The following PSEN1 variants were observed in gnomAD, a reference collection of about 807,000 sequenced individuals.
PSEN1 encodes presenilin-1.
A neutral mutation model predicts 53.5 loss-of-function variants in PSEN1; 15 were observed. The ratio of observed to expected loss-of-function variants is 0.28; its 90% CI spans 0.19 to 0.43. The LOEUF (loss-of-function observed/expected upper bound fraction) is 0.43. Ranked by LOEUF, PSEN1 falls within the 20% of genes least tolerant of loss-of-function variation. The pLI is 1.00. For missense variants in PSEN1, 387 were observed against 571.2 expected, an observed-to-expected ratio of 0.68 and a Z score of 3.29; for synonymous variants, 208 against 209.8, an observed-to-expected ratio of 0.99 and a Z score of 0.08.
intron 3 of PSEN1, among the ~76,000 whole-genome samples, chr14:73,170,056 G>A (rs545971793): frequency 2.0e-5 from 3 of 152,322 alleles, no homozygotes; most frequent in South Asian, 2.1e-4. Context: ...ACTTCCGGAC[G>A]TTGCCATGGC....
chr14:73,161,126 C>G (rs772073286), intron 3 of PSEN1, among the ~76,000 whole-genome samples: 13 of 151,890 alleles, frequency 8.6e-5, no homozygotes, highest in Non-Finnish European at 1.6e-4. Flanking sequence ...AGGCACTCGC[C>G]ACCATACCCA....
rs1452061774 is a variant in PSEN1, at chr14:73,203,589, T to G, written c.869-2797T>G. On this transcript the variant is annotated intron_variant, in intron 8 of 11. Transcript: ENST00000324501. The stretch of plus-strand genomic sequence containing the variant: ...TCAATAAATAATTCTTTCATGCATT[T>G]TAATACTGTCTCCCAGTTAAGGGTA... Among the ~76,000 whole-genome samples, 9 of 152,336 alleles carry G rather than the reference T, an allele frequency of 5.9e-5. No individual in the cohort carries two copies. In the East Asian group the frequency reaches 1.5e-3, roughly 26 times the overall value.
intron 9 of PSEN1, 78 bp downstream of exon 9, chr14:73,206,550 C>A: frequency 2.0e-6 from 2 of 1,011,778 alleles, no homozygotes; most frequent in Non-Finnish European, 3.1e-6. Context: ...ATGTTTTTAT[C>A]GTCTTTCTTT....
intron 6 of PSEN1, among the ~76,000 whole-genome samples, chr14:73,191,418 G>T (rs1352150684): frequency 6.6e-6 from 1 of 151,956 alleles, no homozygotes; most frequent in Non-Finnish European, 1.5e-5. Context: ...TGTGTATGAT[G>T]ATTCTTCTCC....
intron 3 of PSEN1, among the ~76,000 whole-genome samples, chr14:73,163,180 CT>C (rs1897608407): frequency 1.3e-5 from 2 of 152,146 alleles, no homozygotes; most frequent in South Asian, 4.1e-4. Flanking sequence ...ATTGATTGAA[CT>C]TTATTTAGTA....
chr14:73,159,443 T>G lies in PSEN1; in HGVS notation c.87+11337T>G, dbSNP rs143861413. Among the ~76,000 whole-genome samples the G allele has an allele frequency of 7.2e-5, 11 of 152,324 alleles. No individual in the cohort carries two copies. In the East Asian group the frequency reaches 2.1e-3, roughly 29 times the overall value. On this transcript the variant is annotated intron_variant, in intron 3 of 11. Coordinates refer to ENST00000324501, the MANE Select transcript of PSEN1 (RefSeq NM_000021.4). The stretch of plus-strand genomic sequence containing the variant: ...TCAGGAGTTTTTTCCTGCATTTTCT[T>G]CTGGAAGCTTTATAGTTTCATGTTT...
chr14:73,184,372 C>T (rs1320537462), intron 5 of PSEN1, among the ~76,000 whole-genome samples: 3 of 125,464 alleles, frequency 2.4e-5, no homozygotes, highest in South Asian at 2.6e-4. Context: ...CCGGACGGGG[C>T]GGCTGGCCGG....
intron 10 of PSEN1, among the ~76,000 whole-genome samples, chr14:73,213,198 T>C (rs1594755523): frequency 6.6e-6 from 1 of 152,186 alleles, no homozygotes; most frequent in African/African-American, 2.4e-5. Context: ...AGCTTGCCTT[T>C]GCTGGGACTT....
chr14:73,151,264 G>A (rs911168865), intron 3 of PSEN1, among the ~76,000 whole-genome samples: 3 of 152,134 alleles, frequency 2.0e-5, no homozygotes, highest in Non-Finnish European at 4.4e-5. Context: ...ACAAACATTT[G>A]GTAGGTTCCA....
chr14:73,165,748 TAAA>T (rs1255488298), intron 3 of PSEN1, among the ~76,000 whole-genome samples: 1 of 102,610 alleles, frequency 9.7e-6, no homozygotes, highest in Admixed American at 1.1e-4. Context: ...AACTCCGTCT[TAAA>T]AAAAAAAAAA....
intron 3 of PSEN1, among the ~76,000 whole-genome samples, chr14:73,160,394 C>T (rs764715036): frequency 3.3e-5 from 5 of 152,132 alleles, no homozygotes; most frequent in Non-Finnish European, 7.4e-5. Context: ...TAATTCAGTT[C>T]GTTTTTATAT....
At chr14:73,218,375 C>T (rs1254563764) in intron 11 of PSEN1, among the ~76,000 whole-genome samples, 1 of 152,176 alleles carries the variant, frequency 6.6e-6, no homozygotes, top group Non-Finnish European at 1.5e-5. Context: ...GCATGAGCCA[C>T]TGTGCCCAAC....
chr14:73,136,484 T>C (rs1231742833), upstream of PSEN1: 1 of 152,838 alleles, frequency 6.5e-6, no homozygotes, highest in African/African-American at 2.4e-5. Flanking sequence ...GACAGGCAGC[T>C]CCGGGGTCCG....
At chr14:73,165,949 G>A (rs182581571) in intron 3 of PSEN1, among the ~76,000 whole-genome samples, 1 of 151,398 alleles carries the variant, frequency 6.6e-6, no homozygotes, top group Non-Finnish European at 1.5e-5. Context: ...CCAGCTCCTC[G>A]GGAGGCTGAC....
intron 8 of PSEN1, among the ~76,000 whole-genome samples, chr14:73,201,450 GCTGT>G (rs1424739956): frequency 6.6e-6 from 1 of 152,224 alleles, no homozygotes; most frequent in Non-Finnish European, 1.5e-5. Flanking sequence ...TACAGTATTT[GCTGT>G]CTAAGATGTC....
intron 8 of PSEN1, among the ~76,000 whole-genome samples, chr14:73,204,206 C>T (rs1899353359): frequency 6.6e-6 from 1 of 151,694 alleles, no homozygotes; most frequent in Non-Finnish European, 1.5e-5. Context: ...CCATGTTGGT[C>T]AGGCTGGTCT....
At chr14:73,202,694 G>A (rs941751483) in intron 8 of PSEN1, among the ~76,000 whole-genome samples, 2 of 150,668 alleles carry the variant, frequency 1.3e-5, no homozygotes, top group African/African-American at 2.4e-5. Context: ...GGATTGTCTC[G>A]ATCTCTTGAC....
chr14:73,205,275 G>T (rs1899406768), intron 8 of PSEN1, among the ~76,000 whole-genome samples: 1 of 152,024 alleles, frequency 6.6e-6, no homozygotes, highest in African/African-American at 2.4e-5. Flanking sequence ...AGGAGATCGA[G>T]ACCATCCTGG....
intron 6 of PSEN1, among the ~76,000 whole-genome samples, chr14:73,187,514 T>G (rs183923258): frequency 1.1e-4 from 16 of 152,214 alleles, no homozygotes; most frequent in Admixed American, 7.2e-4. Context: ...GGTAGAGGAT[T>G]AAGGGAAATA....
Sources: allele counts gnomAD v4.1 joint callset (sites outside exome capture counted in the v4.1 genomes callset), GRCh38; gene constraint gnomAD v4.1.1; transcripts MANE v1.5; gene names NCBI Gene and HGNC (gene_info 2026-07-23, HGNC 2026-07-21).